The following USP6 variants were observed in gnomAD, a reference collection of about 807,000 sequenced individuals.
The protein encoded by USP6 is ubiquitin specific peptidase 6.
USP6 carries 128 observed loss-of-function variants against 175.7 expected under a neutral mutation model. That is an observed-to-expected ratio of 0.73 (90% CI 0.63 to 0.84). The LOEUF is 0.84. Ranked by LOEUF, USP6 falls within the 40% of genes least tolerant of loss-of-function variation. The pLI is 0.00. For synonymous variants in USP6, 562 were observed against 630.6 expected (o/e 0.89, Z 1.63); for missense variants, 1,498 against 1,760.3 (o/e 0.85, Z 2.67).
rs1404471196 is a variant in USP6 at position 5,168,993 on chromosome 17, A to G, written c.3455A>G (p.Glu1152Gly). The part of the protein sequence containing the change: ...KVDAQSSAGK[E>G]DMLLSKSPSS... ...GATGCGCAGAGTTCGGCTGGAAAAG[A>G]GGACATGCTCCTAAGCAAAAGCCCA... is the stretch of plus-strand genomic sequence containing the variant. The change falls in exon 35 of 38, where the codon GAG (glutamate) becomes GGG (glycine). Residue 1152 changes from glutamate (E) to glycine (G), a missense_variant. By Grantham distance (98) the Glu-to-Gly change is moderately conservative. Coordinates refer to ENST00000574788, the MANE Select transcript of USP6 (RefSeq NM_001304284.2). The G allele has an allele frequency of 6.2e-7, 1 of 1,614,028 alleles. No individual in the cohort carries two copies. The highest frequency in any genetic ancestry group is 1.3e-5 in the African/African-American group (1 of 75,060).
At chr17:5,162,083 A>C (rs2074015026) in intron 32 of USP6, among the ~76,000 whole-genome samples, 1 of 152,220 alleles carries the variant, frequency 6.6e-6, no homozygotes, top group South Asian at 2.1e-4. Context: ...TGGTTTTATA[A>C]ACTACAGTCC....
Position 5,168,856 on chromosome 17 carries a change from G to A in USP6, c.3318G>A (p.Pro1106=), listed in dbSNP as rs369094007. 92 of 1,612,946 alleles carry A rather than the reference G, an allele frequency of 5.7e-5. No homozygotes were observed. The highest frequency in any genetic ancestry group is 1.7e-4 in the African/African-American group (13 of 74,972). ...IVRFLRESFD[P]SAFLVPRDPA... is the part of the protein sequence containing the mutation. ...GATTTCTTCGGGAAAGTTTTGATCC[G>A]AGTGCTTTTTTGGTACCACGAGACC... Residue 1106 remains proline, a synonymous_variant, in exon 35 of 38, where the codon CCG becomes CCA. Coordinates refer to ENST00000574788, the MANE Select transcript of USP6 (RefSeq NM_001304284.2).
Position 5,146,151 on chromosome 17 carries a change from G to T in USP6, c.2296G>T (p.Glu766Ter). 1 of 1,610,836 alleles carries T rather than the reference G, an allele frequency of 6.2e-7. No individual in the cohort carries two copies. Among genetic ancestry groups the T allele is most frequent in the Non-Finnish European group, 8.5e-7 (1 of 1,178,478 alleles). Reference protein sequence around the residue: ...GLNSEQILLAEVHDSNIKNFP... With the variant: ...GLNSEQILLA The stretch of plus-strand genomic sequence containing the variant: ...TAATTCAGAACAAATCCTACTAGCA[G>T]AAGTACATGATTCCAACATAAAGGT... The change falls in exon 28 of 38, where the codon GAA (glutamate) becomes TAA (stop). Residue 766 changes from glutamate (E) to a stop codon, truncating the protein, a stop_gained. Transcript: ENST00000574788. LOFTEE classifies it high-confidence loss of function.
At position 5,120,741 on chromosome 17, in the gene USP6, T is replaced by C. The variant is rs1300160074; in HGVS notation, c.-1722T>C. On this transcript the variant is annotated 5_prime_UTR_variant, in exon 3 of 38. Transcript: ENST00000574788. Reference sequence around the variant, plus strand: ...TGAGATGCATGACCAGGACAAGAAATTGGTGGAGAAGAGCTACAAGGATGC... The same window carrying C: ...TGAGATGCATGACCAGGACAAGAAACTGGTGGAGAAGAGCTACAAGGATGC... The C allele has an allele frequency of 2.3e-6, 1 of 438,314 alleles. No individual in the cohort carries two copies. Among genetic ancestry groups the C allele is most frequent in the African/African-American group, 2.0e-5 (1 of 49,678 alleles). The allele number at this position is 438,314 out of a possible 1,614,324, so 27.2% of individuals were successfully genotyped here.
chr17:5,168,096 G>A lies in USP6; in HGVS notation c.3201G>A (p.Leu1067=). The stretch of plus-strand genomic sequence containing the variant: ...CCCACTGCTTAGCAACAAAGAAGCT[G>A]GATCTCTGGAGGCTTCCACCCTTCC... The part of the protein sequence containing the change: ...CKTHCLATKK[L]DLWRLPPFLI... The change falls in exon 34 of 38, where the codon CTG becomes CTA. Residue 1067 remains leucine, a synonymous_variant. Transcript: ENST00000574788. The A allele has an allele frequency of 1.2e-6, 2 of 1,610,104 alleles. No homozygotes were observed. Among genetic ancestry groups the A allele is most frequent in the Non-Finnish European group, 1.7e-6 (2 of 1,178,316 alleles).
intron 3 of USP6, among the ~76,000 whole-genome samples, 153 bp from the exon 4 acceptor site, chr17:5,121,222 A>C (rs2072654327): frequency 6.6e-6 from 1 of 152,158 alleles, no homozygotes; most frequent in Non-Finnish European, 1.5e-5. Flanking sequence ...GAATTCCTCC[A>C]AGGTCCAACG....
Position 5,171,574 on chromosome 17 carries a change from T to C in USP6, c.3955-13T>C, listed in dbSNP as rs1164359580. On this transcript the variant is annotated splice_polypyrimidine_tract_variant and intron_variant, in intron 36 of 37. Coordinates refer to ENST00000574788, the MANE Select transcript of USP6 (RefSeq NM_001304284.2). Reference sequence around the variant, plus strand: ...TAACTACTAACATACCTCCACTCTCTTATCTCTTACAGTGCCATTCAGGAA... The same window carrying C: ...TAACTACTAACATACCTCCACTCTCCTATCTCTTACAGTGCCATTCAGGAA... The C allele has an allele frequency of 3.7e-6, 6 of 1,613,482 alleles. No homozygotes were observed. The highest frequency in any genetic ancestry group is 5.1e-6 in the Non-Finnish European group (6 of 1,179,542).
chr17:5,156,094 G>A (rs1245310533), intron 31 of USP6, among the ~76,000 whole-genome samples: 1 of 152,238 alleles, frequency 6.6e-6, no homozygotes, highest in Non-Finnish European at 1.5e-5. Context: ...TCCATACCAT[G>A]TCATTCTTTT....
chr17:5,122,711 C>T (rs969552826), intron 4 of USP6, among the ~76,000 whole-genome samples: 1 of 152,202 alleles, frequency 6.6e-6, no homozygotes, highest in East Asian at 1.9e-4. Flanking sequence ...TAAGCTCCCA[C>T]CCGGAGCCCA....
At chr17:5,156,766 T>A (rs189479908) in intron 31 of USP6, among the ~76,000 whole-genome samples, 1 of 152,192 alleles carries the variant, frequency 6.6e-6, no homozygotes, top group African/African-American at 2.4e-5. Flanking sequence ...ATTCTTAATT[T>A]GTCACCCAGG....
chr17:5,171,657 G>A lies in USP6; in HGVS notation c.4025G>A (p.Cys1342Tyr). Reference sequence around the variant, plus strand: ...AAAAACCCAAACTGCAAGTGGTACTGTTATAATGACAGCAGCTGTGAGGTA... The same window carrying A: ...AAAAACCCAAACTGCAAGTGGTACTATTATAATGACAGCAGCTGTGAGGTA... ...YAKNPNCKWY[C>Y]YNDSSCEELH... Residue 1342 changes from cysteine to tyrosine, a missense_variant, in exon 37 of 38, where the codon TGT becomes TAT. Transcript: ENST00000574788. 1 of 1,613,786 alleles carries A rather than the reference G, an allele frequency of 6.2e-7. No individual in the cohort carries two copies. Among genetic ancestry groups the A allele is most frequent in the Non-Finnish European group, 8.5e-7 (1 of 1,179,792 alleles).
In USP6 at chr17:5,119,805, C is replaced by T. The variant is rs551506809; in HGVS notation, c.-1836-822C>T. On this transcript the variant is annotated intron_variant, in intron 2 of 37. Coordinates refer to ENST00000574788, the MANE Select transcript of USP6 (RefSeq NM_001304284.2). ...CACAGCCATCATCTCAGCTGATAAACAGCTGGGAGAAAGATACTCTTTCTT... is the reference window on the plus strand; with the variant it reads ...CACAGCCATCATCTCAGCTGATAAATAGCTGGGAGAAAGATACTCTTTCTT... 3.9e-5 allele frequency among the ~76,000 whole-genome samples: 6 copies of T among 152,318 alleles called. 1 individual carries two copies. The highest frequency in any genetic ancestry group is 1.2e-4 in the African/African-American group (5 of 41,564).
intron 6 of USP6, 88 bp downstream of exon 6, chr17:5,126,026 C>G (rs192567946): frequency 6.6e-6 from 1 of 152,378 alleles, no homozygotes; most frequent in Non-Finnish European, 1.5e-5. Context: ...CCGCCCGCCT[C>G]AGCCTTCTAA....
At chr17:5,129,250 C>T (rs1122313) in intron 8 of USP6, 117 bp downstream of exon 8, 15,557 of 152,324 alleles carry the variant, frequency 0.1, 1,737 homozygotes, top group South Asian at 0.47. Context: ...ACCCTGAGAC[C>T]TCCCTGCTCT....
At chr17:5,143,226 G>T (rs2073503670) in intron 25 of USP6, among the ~76,000 whole-genome samples, 1 of 152,282 alleles carries the variant, frequency 6.6e-6, no homozygotes, top group Non-Finnish European at 1.5e-5. Flanking sequence ...GAGCCCCTCT[G>T]CCCGGCCACC....
intron 17 of USP6, 105 bp from the exon 18 acceptor site, chr17:5,136,535 A>G: frequency 7.2e-7 from 1 of 1,391,522 alleles, no homozygotes; most frequent in Non-Finnish European, 1.0e-6. Flanking sequence ...GGAGGGCGGG[A>G]GGCCTTGGGG....
chr17:5,135,289 A>G lies in USP6; in HGVS notation c.543+7A>G. On this transcript the variant is annotated splice_region_variant and intron_variant, in intron 16 of 37. Coordinates refer to ENST00000574788, the MANE Select transcript of USP6 (RefSeq NM_001304284.2). ...CTATTCGGAGTATAACCCGGTGAGT[A>G]TTCCCGGCAGTGAGGTTCCCAGGCT... is the stretch of plus-strand genomic sequence containing the variant. 6.2e-7 allele frequency: 1 copy of G among 1,612,432 alleles called. No individual in the cohort carries two copies. The highest frequency in any genetic ancestry group is 8.5e-7 in the Non-Finnish European group (1 of 1,178,818).
chr17:5,151,096 T>C (rs1336186163), intron 30 of USP6, among the ~76,000 whole-genome samples: 1 of 152,166 alleles, frequency 6.6e-6, no homozygotes, highest in Admixed American at 6.5e-5. Context: ...AACATCCTTT[T>C]ACCAAATTAG....
At chr17:5,161,427 G>A (rs2074001515) in intron 31 of USP6, 101 bp from the exon 32 acceptor site, 2 of 1,225,228 alleles carry the variant, frequency 1.6e-6, no homozygotes, top group Non-Finnish European at 2.4e-6. Context: ...TACTGCTGTG[G>A]CAAATGCCCC....
Sources: allele counts gnomAD v4.1 joint callset (sites outside exome capture counted in the v4.1 genomes callset), GRCh38; gene constraint gnomAD v4.1.1; transcripts MANE v1.5; gene names NCBI Gene and HGNC (gene_info 2026-07-23, HGNC 2026-07-21).